Variants in ADHFE1 observed in about 807,000 individuals in gnomAD.
The protein encoded by ADHFE1 is alcohol dehydrogenase iron containing 1, also known as hydroxyacid-oxoacid transhydrogenase, mitochondrial.
A neutral mutation model predicts 54.8 loss-of-function variants in ADHFE1; 37 were observed. The ratio of observed to expected loss-of-function variants is 0.68; its 90% CI spans 0.52 to 0.89. ADHFE1 has a LOEUF of 0.89. ADHFE1 is among the 40% of genes least tolerant of loss of function. ADHFE1 has a pLI of 0.00. For synonymous variants in ADHFE1, 203 were observed against 229.3 expected (o/e 0.89, Z 1.04); for missense variants, 601 against 591.2 (o/e 1.02, Z -0.17).
At chr8:66,450,417 T>A (rs566724619) in intron 8 of ADHFE1, among the ~76,000 whole-genome samples, 1 of 152,190 alleles carries the variant, frequency 6.6e-6, no homozygotes, top group Non-Finnish European at 1.5e-5. Flanking sequence ...AAAGAACACC[T>A]GGCCTGAGGA....
chr8:66,436,032 CAGCCTGCTG>C (rs1805448811), intron 1 of ADHFE1, among the ~76,000 whole-genome samples: 1 of 151,224 alleles, frequency 6.6e-6, no homozygotes, highest in Non-Finnish European at 1.5e-5. Flanking sequence ...TCTTCTGCCT[CAGCCTGCTG>C]AGTAGCTGGG....
At chr8:66,454,036 T>C in intron 9 of ADHFE1, 23 bp from the exon 10 acceptor site, 1 of 1,612,504 alleles carries the variant, frequency 6.2e-7, no homozygotes, top group Non-Finnish European at 8.5e-7. Context: ...TGTGTTATTG[T>C]TAGGTATTTA....
chr8:66,433,297 GAA>G (rs1805298047), intron 1 of ADHFE1, among the ~76,000 whole-genome samples: 1 of 152,194 alleles, frequency 6.6e-6, no homozygotes, highest in Non-Finnish European at 1.5e-5. Flanking sequence ...CAGGCAGAGA[GAA>G]GAGCAACACC....
rs1215239713 is a variant in ADHFE1 at position 66,453,666 on chromosome 8, G to T, written c.888-393G>T. 3 of 1,362,870 alleles carry T rather than the reference G, an allele frequency of 2.2e-6. No homozygotes were observed. In the African/African-American group the frequency reaches 4.4e-5, roughly 20 times the overall value. 84.4% of individuals were successfully genotyped at this position (1,362,870 alleles called of 1,614,324 possible). On this transcript the variant is annotated intron_variant, in intron 9 of 13. Transcript: ENST00000396623. ...TCTCAGAGAGAAAGAGCGCTGGCCG[G>T]CAGGTAGCCCCGGGCATCTGAGAAT... is the stretch of plus-strand genomic sequence containing the variant.
chr8:66,438,484 C>T (rs1044892989), intron 1 of ADHFE1, among the ~76,000 whole-genome samples: 1 of 152,124 alleles, frequency 6.6e-6, no homozygotes, highest in Non-Finnish European at 1.5e-5. Context: ...AAAGTTCCAC[C>T]TGCCCAAAAA....
At chr8:66,455,498 C>T (rs1048153595) in intron 10 of ADHFE1, among the ~76,000 whole-genome samples, 8 of 152,224 alleles carry the variant, frequency 5.3e-5, no homozygotes, top group African/African-American at 1.9e-4. Flanking sequence ...CTCTGATGAT[C>T]TACCACTGAT....
intron 1 of ADHFE1, among the ~76,000 whole-genome samples, chr8:66,438,841 T>C (rs1805594276): frequency 2.0e-5 from 3 of 147,252 alleles, no homozygotes; most frequent in Non-Finnish European, 4.5e-5. Flanking sequence ...AAATAATGAA[T>C]TGAGATAGCC....
Position 66,460,297 on chromosome 8 carries a change from A to T in ADHFE1, c.1163-11A>T. The T allele has an allele frequency of 6.2e-7, 1 of 1,613,766 alleles. No homozygotes were observed. Among genetic ancestry groups the T allele is most frequent in the African/African-American group, 1.3e-5 (1 of 75,024 alleles). ...CCTCTCTCCCTACAGTCAGCACTTT[A>T]TGTCTTCTAGGAGCCGACACCCGCA... is the stretch of plus-strand genomic sequence containing the variant. On this transcript the variant is annotated splice_polypyrimidine_tract_variant and intron_variant, in intron 12 of 13. Transcript: ENST00000396623.
intron 8 of ADHFE1, among the ~76,000 whole-genome samples, chr8:66,450,683 C>T (rs1326683230): frequency 6.6e-6 from 1 of 152,190 alleles, no homozygotes; most frequent in Non-Finnish European, 1.5e-5. Context: ...GTGAGTCCAC[C>T]CCTGAGAAAC....
chr8:66,438,809 A>G lies in ADHFE1; in HGVS notation c.60-1353A>G, dbSNP rs559226298. Among the ~76,000 whole-genome samples the G allele has an allele frequency of 2.0e-5, 3 of 152,130 alleles. No homozygotes were observed. In the South Asian group the frequency reaches 6.3e-4, roughly 32 times the overall value. The stretch of plus-strand genomic sequence containing the variant: ...CCGAGAAAGCAAGAGGGGACAGGAT[A>G]CAAACCACAAGTAAGAAGTAGAAAT... On this transcript the variant is annotated intron_variant, in intron 1 of 13. Coordinates refer to ENST00000396623, the MANE Select transcript of ADHFE1 (RefSeq NM_144650.3).
intron 1 of ADHFE1, among the ~76,000 whole-genome samples, chr8:66,438,764 A>G: frequency 6.6e-6 from 1 of 152,066 alleles, no homozygotes; most frequent in East Asian, 1.9e-4. Context: ...GGACTAGGAA[A>G]TACAGGACAG....
rs1805663188 is a variant in ADHFE1, at chr8:66,439,985, GT to G, written c.60-176del. Among the ~76,000 whole-genome samples the G allele has an allele frequency of 6.6e-6, 1 of 152,178 alleles. No individual in the cohort carries two copies. The highest frequency in any genetic ancestry group is 2.4e-5 in the African/African-American group (1 of 41,448). ...TGGGAAGACGCTGAGTCAACTTTTT[GT>G]CCATCGTGATTTCTGGGTCTATATA... On this transcript the variant is annotated intron_variant, in intron 1 of 13. Transcript: ENST00000396623. The surrounding 1 kb of genome is among the most constrained non-coding windows in gnomAD (Gnocchi z 4.4).
Position 66,457,178 on chromosome 8 carries a change from T to TC in ADHFE1, c.1162+12_1162+13insC. 1.9e-6 allele frequency: 3 copies of TC among 1,606,812 alleles called. No homozygotes were observed. The highest frequency in any genetic ancestry group is 2.7e-5 in the African/African-American group (2 of 74,592). On this transcript the variant is annotated intron_variant, in intron 12 of 13. Transcript: ENST00000396623. The stretch of plus-strand genomic sequence containing the variant: ...GGCAGAAATACTGGGTATGAACCAT[T>TC]ACTCAAAATTCTGTGACCGGCCAGG...
At chr8:66,454,203 A>G (rs745978195) in intron 10 of ADHFE1, 46 bp downstream of exon 10, 6 of 1,589,598 alleles carry the variant, frequency 3.8e-6, no homozygotes, top group Admixed American at 3.5e-5. Context: ...CTATTGCTTT[A>G]AAAAATTTTT....
intron 13 of ADHFE1, among the ~76,000 whole-genome samples, chr8:66,463,415 A>G (rs1276246579): frequency 6.6e-6 from 1 of 152,202 alleles, no homozygotes; most frequent in Non-Finnish European, 1.5e-5. Flanking sequence ...ACCCCAAGGC[A>G]TCTGCTGCCT....
chr8:66,440,279 A>G, intron 2 of ADHFE1, 80 bp downstream of exon 2: 1 of 1,368,394 alleles, frequency 7.3e-7, no homozygotes, highest in Non-Finnish European at 1.0e-6. Flanking sequence ...TAGTGTATGT[A>G]AAGAAAACCA....
At chr8:66,443,824 C>CA (rs541533313) in intron 3 of ADHFE1, among the ~76,000 whole-genome samples, 3,463 of 141,126 alleles carry the variant, frequency 0.025, 98 homozygotes, top group South Asian at 0.048. Flanking sequence ...TTAGTCAATT[C>CA]AAAAAAAAAA....
Position 66,439,648 on chromosome 8 carries a change from T to C in ADHFE1, c.60-514T>C. The C allele has an allele frequency of 2.0e-6, 2 of 985,898 alleles. No homozygotes were observed. The highest frequency in any genetic ancestry group is 1.7e-5 in the African/African-American group (1 of 57,332). The allele number at this position is 985,898 out of a possible 1,614,324, so 61.1% of individuals were successfully genotyped here. On this transcript the variant is annotated intron_variant, in intron 1 of 13. Transcript: ENST00000396623. This position sits in a 1 kb window ranked among gnomAD's most constrained non-coding sequence, Gnocchi z 4.4. ...GAAAGATGGGGACCAGGGAGGTCTT[T>C]GGGTCCAGGAAGTTCTCCTGGAGGC...
At chr8:66,447,464 G>T (rs1806088376) in intron 7 of ADHFE1, 123 bp downstream of exon 7, 1 of 796,246 alleles carries the variant, frequency 1.3e-6, no homozygotes, top group Non-Finnish European at 2.0e-6. Flanking sequence ...TTCTATAGAA[G>T]AGCAAGGTGA....
Sources: gnomAD v4.1 joint callset for allele counts (sites outside exome capture counted in the v4.1 genomes callset) on GRCh38, gnomAD v4.1.1 for gene constraint, Gnocchi (gnomAD v3.1) non-coding constraint, MANE v1.5 for transcripts, NCBI Gene and HGNC (gene_info 2026-07-23, HGNC 2026-07-21) for gene names.